MRTFA: variants seen among roughly 807,000 people sequenced by gnomAD.
The protein encoded by MRTFA is myocardin-related transcription factor A.
Under a neutral mutation model 83.5 loss-of-function variants are expected in MRTFA, and 20 were observed. The observed-to-expected ratio is 0.24, with a 90% CI of 0.17 to 0.35. The LOEUF is 0.35. MRTFA is among the 10% of genes least tolerant of loss of function. MRTFA has a pLI of 1.00. For synonymous variants in MRTFA, 659 were observed against 541.2 expected (o/e 1.22, Z -3.02); for missense variants, 1,200 against 1,224.7 (o/e 0.98, Z 0.30).
intron 3 of MRTFA, among the ~76,000 whole-genome samples, chr22:40,494,167 G>A (rs1375457510): frequency 6.6e-6 from 1 of 152,150 alleles, no homozygotes; most frequent in Non-Finnish European, 1.5e-5. Flanking sequence ...TTGGCTTAGA[G>A]AAAAGTGCTT....
intron 3 of MRTFA, among the ~76,000 whole-genome samples, chr22:40,512,779 T>C (rs1440040909): frequency 6.6e-6 from 1 of 152,220 alleles, no homozygotes; most frequent in Non-Finnish European, 1.5e-5. Context: ...ATGTAGCCTC[T>C]TGAGTTTTAG....
At chr22:40,628,590 A>G (rs1447522298) in intron 1 of MRTFA, among the ~76,000 whole-genome samples, 4 of 152,154 alleles carry the variant, frequency 2.6e-5, no homozygotes, top group South Asian at 2.1e-4. Flanking sequence ...TTCTAAATGC[A>G]TATCAATAAG....
chr22:40,432,910 A>G (rs1602233684), intron 5 of MRTFA, among the ~76,000 whole-genome samples: 1 of 152,206 alleles, frequency 6.6e-6, no homozygotes, highest in East Asian at 1.9e-4. Flanking sequence ...TGACAGTGGA[A>G]GACTTATTCT....
At chr22:40,545,379 C>T (rs1289303586) in intron 3 of MRTFA, among the ~76,000 whole-genome samples, 3 of 151,986 alleles carry the variant, frequency 2.0e-5, no homozygotes, top group Non-Finnish European at 4.4e-5. Context: ...ATGAAGGTGT[C>T]GGGACCTTGA....
At chr22:40,515,044 G>A (rs2054734451) in intron 3 of MRTFA, among the ~76,000 whole-genome samples, 2 of 151,784 alleles carry the variant, frequency 1.3e-5, no homozygotes, top group East Asian at 2.0e-4. Context: ...AAGTAGCTGG[G>A]ACTACAGGCA....
At chr22:40,576,856 T>A (rs773854876) in intron 2 of MRTFA, among the ~76,000 whole-genome samples, 38 of 152,168 alleles carry the variant, frequency 2.5e-4, no homozygotes, top group Admixed American at 2.2e-3. Flanking sequence ...CAAGGCAGAA[T>A]GATGGCCTGA....
intron 1 of MRTFA, among the ~76,000 whole-genome samples, chr22:40,624,047 T>G (rs971413787): frequency 2.0e-5 from 3 of 151,888 alleles, no homozygotes; most frequent in Admixed American, 1.3e-4. Flanking sequence ...AAGGCTGTAG[T>G]GAGCCATGTT....
At chr22:40,494,941 C>A (rs1361604624) in intron 3 of MRTFA, among the ~76,000 whole-genome samples, 1 of 151,962 alleles carries the variant, frequency 6.6e-6, no homozygotes, top group African/African-American at 2.4e-5. Context: ...ATCTATATGT[C>A]TTGATAAAAG....
At chr22:40,586,887 G>T in intron 2 of MRTFA, 2 of 204,800 alleles carry the variant, frequency 9.8e-6, no homozygotes, top group Non-Finnish European at 1.1e-5. Context: ...GGCCTCTAGT[G>T]CTGCTGGTGC....
At position 40,533,738 on chromosome 22, in the gene MRTFA, T is replaced by A. The variant is rs1194124204; in HGVS notation, c.241+18368A>T. ...GCTTTCACAAATTCAATCTGATGCC[T>A]TATGCTCAAATCAGACTGTGAGAAT... is the stretch of plus-strand genomic sequence containing the variant. On this transcript the variant is annotated intron_variant, in intron 3 of 14. Coordinates refer to ENST00000355630, the MANE Select transcript of MRTFA (RefSeq NM_020831.6). The A allele has an allele frequency of 5.3e-6, 3 of 566,888 alleles. No homozygotes were observed. In the East Asian group the frequency reaches 1.0e-4, roughly 20 times the overall value. The allele number at this position is 566,888 out of a possible 1,614,324, so 35.1% of individuals were successfully genotyped here. A position where few individuals can be genotyped will look rare whatever the true frequency, so the allele number is the denominator to read the frequency against.
rs528686804 is a variant in MRTFA, at chr22:40,495,409, G to A, written c.242-32123C>T. 1.0e-3 allele frequency among the ~76,000 whole-genome samples: 149 copies of A among 148,416 alleles called. 6 individuals are homozygous for A. In the South Asian group the frequency reaches 0.028, roughly 28 times the overall value. On this transcript the variant is annotated intron_variant, in intron 3 of 14. Coordinates refer to ENST00000355630, the MANE Select transcript of MRTFA (RefSeq NM_020831.6). ...GGAGGTTGCAGTGAGCCGAGATTGC[G>A]CCACTGCACTCCAGCCTGGGCCACA...
intron 3 of MRTFA, among the ~76,000 whole-genome samples, chr22:40,518,520 A>G (rs543441853): frequency 4.3e-4 from 65 of 152,084 alleles, no homozygotes; most frequent in African/African-American, 1.4e-3. Flanking sequence ...CAGGCCAGGC[A>G]CGGTGGCTCA....
intron 3 of MRTFA, among the ~76,000 whole-genome samples, chr22:40,518,957 G>A (rs2054811405): frequency 6.7e-6 from 1 of 150,244 alleles, no homozygotes; most frequent in East Asian, 1.9e-4. Flanking sequence ...TCTCTTTTAT[G>A]TTTTCGTGAT....
chr22:40,449,344 C>T (rs73167049), intron 4 of MRTFA, among the ~76,000 whole-genome samples: 4 of 151,190 alleles, frequency 2.6e-5, no homozygotes, highest in South Asian at 4.2e-4. Flanking sequence ...GGGGACAGGG[C>T]AATCTTCTAC....
At chr22:40,499,132 A>G (rs1476856161) in intron 3 of MRTFA, among the ~76,000 whole-genome samples, 1 of 152,244 alleles carries the variant, frequency 6.6e-6, no homozygotes, top group African/African-American at 2.4e-5. Context: ...CTAAATTCAC[A>G]TCTTAGTGAA....
At chr22:40,458,380 A>G (rs940106299) in intron 4 of MRTFA, among the ~76,000 whole-genome samples, 3 of 152,230 alleles carry the variant, frequency 2.0e-5, no homozygotes, top group Non-Finnish European at 4.4e-5. Flanking sequence ...TGATCAGAGC[A>G]TATCAAGCAG....
chr22:40,485,838 C>T (rs1191696806), intron 3 of MRTFA, among the ~76,000 whole-genome samples: 3 of 152,188 alleles, frequency 2.0e-5, no homozygotes, highest in Admixed American at 6.5e-5. Flanking sequence ...TGTGAGAATA[C>T]ATCCCAAGCC....
chr22:40,598,018 G>C (rs1359269316), intron 1 of MRTFA, among the ~76,000 whole-genome samples: 1 of 152,118 alleles, frequency 6.6e-6, no homozygotes, highest in Non-Finnish European at 1.5e-5. Flanking sequence ...GAATTTAGGA[G>C]AGAATGACTA....
In MRTFA at chr22:40,416,618, C is replaced by T. The variant is rs959263208; in HGVS notation, c.2578+368G>A. On this transcript the variant is annotated intron_variant, in intron 14 of 14. Transcript: ENST00000355630. This position sits in a 1 kb window ranked among gnomAD's most constrained non-coding sequence, Gnocchi z 4.2. ...CCTGGACCTTCCCCACCAGGCTCCC[C>T]AGACCTCTCCCTCTCCTCCATTTTT... Among the ~76,000 whole-genome samples, 5 of 152,236 alleles carry T rather than the reference C, an allele frequency of 3.3e-5. 1 individual carries two copies. Among genetic ancestry groups the T allele is most frequent in the Non-Finnish European group, 5.9e-5 (4 of 68,048 alleles).
Sources: allele counts gnomAD v4.1 joint callset (sites outside exome capture counted in the v4.1 genomes callset), GRCh38; gene constraint gnomAD v4.1.1; non-coding constraint Gnocchi (gnomAD v3.1); transcripts MANE v1.5; gene names NCBI Gene and HGNC (gene_info 2026-07-23, HGNC 2026-07-21).